Variants in DNAH8 observed in about 807,000 individuals in gnomAD.
DNAH8 encodes the protein dynein axonemal heavy chain 8, also known as axonemal beta dynein heavy chain 8.
In DNAH8, 382 loss-of-function variants were observed where a neutral mutation model predicts 562.1. The ratio of observed to expected loss-of-function variants is 0.68; its 90% confidence interval spans 0.63 to 0.74. The LOEUF is 0.74. Among genes scored for constraint, DNAH8 ranks in the 30% least tolerant of loss-of-function variants. DNAH8 has a pLI of 0.00. For missense variants in DNAH8, 5,203 were observed against 5,620.4 expected (o/e 0.93, Z 2.37); for synonymous variants, 1,881 against 1,919.4 (o/e 0.98, Z 0.52).
At chr6:38,939,670 T>C (rs1295886336) in intron 79 of DNAH8, among the ~76,000 whole-genome samples, 1 of 152,166 alleles carries the variant, frequency 6.6e-6, no homozygotes, top group Non-Finnish European at 1.5e-5. Flanking sequence ...TTACATGTGG[T>C]TGGTGAAATC....
At chr6:38,907,573 T>C (rs976530280) in intron 63 of DNAH8, among the ~76,000 whole-genome samples, 1 of 152,230 alleles carries the variant, frequency 6.6e-6, no homozygotes, top group Non-Finnish European at 1.5e-5. Flanking sequence ...GTGTTAACTC[T>C]TCCCTACACC....
chr6:38,733,394 C>A (rs1406098365), intron 4 of DNAH8, among the ~76,000 whole-genome samples: 2 of 152,120 alleles, frequency 1.3e-5, no homozygotes, highest in East Asian at 1.9e-4. Context: ...AAGGTGGATA[C>A]AATGAGTGTA....
At chr6:38,803,387 G>A (rs1200500919) in intron 22 of DNAH8, 76 bp downstream of exon 22, 8 of 1,153,324 alleles carry the variant, frequency 6.9e-6, no homozygotes, top group African/African-American at 6.2e-5. Context: ...CTGCTTAGCA[G>A]GTACTGAATT....
chr6:38,731,012 A>G (rs1317130255), intron 4 of DNAH8, among the ~76,000 whole-genome samples: 1 of 152,116 alleles, frequency 6.6e-6, no homozygotes, highest in Non-Finnish European at 1.5e-5. Flanking sequence ...TACAGTATCC[A>G]TGTAAATATA....
chr6:38,911,206 G>T (rs1780868779), intron 65 of DNAH8, among the ~76,000 whole-genome samples: 1 of 152,180 alleles, frequency 6.6e-6, no homozygotes, highest in South Asian at 2.1e-4. Context: ...TTCTGGGAGG[G>T]GTAGAGCAGA....
intron 24 of DNAH8, among the ~76,000 whole-genome samples, chr6:38,810,372 A>G (rs1433064499): frequency 6.6e-6 from 1 of 152,146 alleles, no homozygotes; most frequent in Non-Finnish European, 1.5e-5. Context: ...CAGGCGAATC[A>G]CTTGAGGTCA....
Position 38,911,577 on chromosome 6 carries a change from A to G in DNAH8, c.9850A>G (p.Met3284Val). Residue 3284 changes from methionine (M) to valine (V), a missense_variant, in exon 66 of 93, where the codon ATG becomes GTG. This residue lies in a region of DNAH8 where 977 missense variants were observed against 1,061.8 expected (regional missense o/e 0.92). Coordinates refer to ENST00000327475, the MANE Select transcript of DNAH8 (RefSeq NM_001206927.2). Reference protein sequence around the residue: ...VKFINEQAERMNIGLDKLMEA... With the variant: ...VKFINEQAERVNIGLDKLMEA... ...GTTCATTAATGAACAGGCTGAACGTATGAATATTGGTAAGAGGAATGGAAT... is the reference window on the plus strand; with the variant it reads ...GTTCATTAATGAACAGGCTGAACGTGTGAATATTGGTAAGAGGAATGGAAT... 1.3e-6 allele frequency: 2 copies of G among 1,591,704 alleles called. No homozygotes were observed. The highest frequency in any genetic ancestry group is 1.3e-5 in the African/African-American group (1 of 74,540).
At chr6:38,934,281 C>T (rs1043035713) in intron 76 of DNAH8, among the ~76,000 whole-genome samples, 2 of 148,480 alleles carry the variant, frequency 1.3e-5, no homozygotes, top group African/African-American at 5.0e-5. Flanking sequence ...TGAACCTGGG[C>T]GGCAGAGGTT....
At chr6:38,732,998 C>A (rs1457755708) in intron 4 of DNAH8, among the ~76,000 whole-genome samples, 3 of 152,096 alleles carry the variant, frequency 2.0e-5, no homozygotes, top group Admixed American at 6.6e-5. Flanking sequence ...AAGTGATTCT[C>A]CTGCCTCAAC....
chr6:38,947,738 A>G (rs1761549629), intron 80 of DNAH8, among the ~76,000 whole-genome samples: 1 of 147,414 alleles, frequency 6.8e-6, no homozygotes, highest in Non-Finnish European at 1.5e-5. Flanking sequence ...GAAACATTTC[A>G]GAAATCCTCT....
chr6:38,824,117 G>T (rs772549420), intron 28 of DNAH8, among the ~76,000 whole-genome samples: 1 of 152,172 alleles, frequency 6.6e-6, no homozygotes, highest in Non-Finnish European at 1.5e-5. Flanking sequence ...ATCCATTTGG[G>T]ATTAGAGTAT....
At chr6:38,796,549 T>C (rs1186494497) in intron 21 of DNAH8, among the ~76,000 whole-genome samples, 1 of 152,162 alleles carries the variant, frequency 6.6e-6, no homozygotes, top group Non-Finnish European at 1.5e-5. Context: ...CACCACACCC[T>C]GGGCCTGGTA....
rs57083753 is a variant in DNAH8 at position 38,963,253 on chromosome 6, C to CTT, written c.12452-8313_12452-8312dup. ...GTGGGAGACACTGGGAGTCCTTTTT[C>CTT]TTTTTTTTTTTTTTTTTTTTTTTTT... is the stretch of plus-strand genomic sequence containing the variant. On this transcript the variant is annotated intron_variant, in intron 82 of 92. Transcript: ENST00000327475. 1.4e-3 allele frequency among the ~76,000 whole-genome samples: 147 copies of CTT among 102,596 alleles called. 5 individuals carry two copies. Among genetic ancestry groups the CTT allele is most frequent in the South Asian group, 2.6e-3 (7 of 2,728 alleles). The allele number at this position is 102,596 out of a possible 152,430, so 67.3% of individuals were successfully genotyped here.
At chr6:38,862,699 G>T (rs931048635) in intron 44 of DNAH8, among the ~76,000 whole-genome samples, 1 of 152,056 alleles carries the variant, frequency 6.6e-6, no homozygotes, top group Non-Finnish European at 1.5e-5. Context: ...TTACGAAAAT[G>T]GAATCAATCT....
intron 12 of DNAH8, among the ~76,000 whole-genome samples, chr6:38,771,096 A>T (rs1767526809): frequency 6.6e-6 from 1 of 152,190 alleles, no homozygotes; most frequent in Non-Finnish European, 1.5e-5. Context: ...GACTTCTTGG[A>T]GTCATCCTTT....
Position 38,786,731 on chromosome 6 carries a change from A to C in DNAH8, c.2396-34A>C, listed in dbSNP as rs185217083. The C allele has an allele frequency of 2.1e-5, 34 of 1,590,324 alleles. No individual in the cohort carries two copies. In the East Asian group the frequency reaches 7.7e-4, roughly 36 times the overall value. On this transcript the variant is annotated intron_variant, in intron 17 of 92. Coordinates refer to ENST00000327475, the MANE Select transcript of DNAH8 (RefSeq NM_001206927.2). ...ACAGCTGGAAGCAGAAAGGAAATTCAGAATGAGTAATGTCAATCATTATTT... is the reference window on the plus strand; with the variant it reads ...ACAGCTGGAAGCAGAAAGGAAATTCCGAATGAGTAATGTCAATCATTATTT...
intron 70 of DNAH8, 105 bp from the exon 71 acceptor site, chr6:38,921,264 G>T: frequency 5.2e-6 from 7 of 1,346,080 alleles, no homozygotes; most frequent in South Asian, 2.9e-5. Flanking sequence ...AGATGTGCTC[G>T]AAAGTCCCGT....
intron 91 of DNAH8, among the ~76,000 whole-genome samples, chr6:39,025,302 CATA>C (rs1767200487): frequency 6.6e-6 from 1 of 152,208 alleles, no homozygotes. Context: ...CGCCTTTTTT[CATA>C]ATGACAACGT....
chr6:39,010,817 ACACGTATGTATG>A (rs1307861270), intron 89 of DNAH8, among the ~76,000 whole-genome samples: 3 of 128,854 alleles, frequency 2.3e-5, no homozygotes, highest in East Asian at 2.3e-4. Flanking sequence ...ACACACACAC[ACACGTATGTATG>A]TATGTATGTA....
Sources: allele counts gnomAD v4.1 joint callset (sites outside exome capture counted in the v4.1 genomes callset), GRCh38; gene constraint gnomAD v4.1.1; regional missense constraint gnomAD v4.1.1; transcripts MANE v1.5; gene names NCBI Gene and HGNC (gene_info 2026-07-23, HGNC 2026-07-21).